Variants in ITPR3 observed in about 807,000 individuals in gnomAD.
ITPR3 encodes the protein inositol 1,4,5-trisphosphate-gated calcium channel ITPR3.
Under a neutral mutation model 293.2 loss-of-function variants are expected in ITPR3, and 173 were observed. The observed-to-expected ratio is 0.59, with a 90% CI of 0.52 to 0.67. The LOEUF is 0.67. Among genes scored for constraint, ITPR3 ranks in the 30% least tolerant of loss-of-function variants. ITPR3 has a pLI of 0.00. For missense variants in ITPR3, 2,796 were observed against 3,592.1 expected, an observed-to-expected ratio of 0.78 and a Z score of 5.66; for synonymous variants, 1,295 against 1,444.4, an observed-to-expected ratio of 0.90 and a Z score of 2.35.
rs768395383 is a variant in ITPR3 at position 33,688,780 on chromosome 6, A to C, written c.6693A>C (p.Thr2231=). 4.1e-5 allele frequency: 66 copies of C among 1,614,018 alleles called. 1 individual carries two copies. The South Asian group carries it at 6.8e-4, about 17-fold the overall frequency. Residue 2231 remains threonine (T), a splice_region_variant and synonymous_variant, in exon 49 of 58, where the codon ACA becomes ACC. Coordinates refer to ENST00000605930, the MANE Select transcript of ITPR3 (RefSeq NM_002224.4). ...FFYPYMEGAS[T]GVLDSPLISL... ...ACCCTTACATGGAGGGCGCGTCCAC[A>C]GGTGAGAACACAGGGCTGGCCGGCA...
chr6:33,679,489 A>T lies in ITPR3; in HGVS notation c.3973-393A>T, dbSNP rs1408300114. 1.3e-5 allele frequency among the ~76,000 whole-genome samples: 2 copies of T among 152,228 alleles called. No individual in the cohort carries two copies. The highest frequency in any genetic ancestry group is 2.4e-5 in the African/African-American group (1 of 41,454). ...TAGTTTTATTAATTTCTATTATTAT[A>T]TTACTGCGAATAATGCAGTCGCTGG... is the stretch of plus-strand genomic sequence containing the variant. On this transcript the variant is annotated intron_variant, in intron 30 of 57. Transcript: ENST00000605930. The surrounding 1 kb of genome is among the most constrained non-coding windows in gnomAD (Gnocchi z 4.2).
chr6:33,694,702 AG>A, intron 56 of ITPR3: 1 of 554,934 alleles, frequency 1.8e-6, no homozygotes, highest in South Asian at 2.3e-5. Context: ...GCCTAACGGA[AG>A]TCAGCCTGTC....
At chr6:33,647,308 G>A (rs955398144) in intron 2 of ITPR3, among the ~76,000 whole-genome samples, 1 of 152,220 alleles carries the variant, frequency 6.6e-6, no homozygotes, top group Non-Finnish European at 1.5e-5. Context: ...TTACAGGTGT[G>A]AGCCACTGTG....
Position 33,686,099 on chromosome 6 carries a change from G to A in ITPR3, c.5714G>A (p.Cys1905Tyr). ...AACAAAACCAACTACAACTTGGTAT[G>A]CGAGACGCTGCAGTTCCTGGACATC... ...QNNKTNYNLV[C>Y]ETLQFLDIMC... Residue 1905 changes from cysteine to tyrosine, a missense_variant, in exon 42 of 58, where the codon TGC becomes TAC. By Grantham distance (194) the Cys-to-Tyr change is radical. Coordinates refer to ENST00000605930, the MANE Select transcript of ITPR3 (RefSeq NM_002224.4). The A allele has an allele frequency of 1.2e-6, 2 of 1,614,212 alleles. No homozygotes were observed. The highest frequency in any genetic ancestry group is 1.7e-6 in the Non-Finnish European group (2 of 1,180,050).
chr6:33,667,293 G>A lies in ITPR3; in HGVS notation c.1713+3G>A. ...AGGAGGACTACCGCAAGAACCAGGT[G>A]CGCCGCTGCCCTGCTGGCCCACTCG... is the stretch of plus-strand genomic sequence containing the variant. On this transcript the variant is annotated splice_donor_region_variant and intron_variant, in intron 15 of 57. Transcript: ENST00000605930. The surrounding 1 kb of genome is among the most constrained non-coding windows in gnomAD (Gnocchi z 4.4). 6.2e-7 allele frequency: 1 copy of A among 1,611,422 alleles called. No homozygotes were observed.
At chr6:33,627,854 G>A (rs1373959977) in intron 1 of ITPR3, among the ~76,000 whole-genome samples, 1 of 152,210 alleles carries the variant, frequency 6.6e-6, no homozygotes, top group African/African-American at 2.4e-5. Context: ...AGGATGTGAT[G>A]GAGAAGGGAT....
chr6:33,655,694 G>A lies in ITPR3; in HGVS notation c.161-72G>A. Reference sequence around the variant, plus strand: ...GGTTGGGAGAGAAGAGCTGCAGGCTGGGGTTTTCTCCAGGGAGGGCCCTGA... The same window carrying A: ...GGTTGGGAGAGAAGAGCTGCAGGCTAGGGTTTTCTCCAGGGAGGGCCCTGA... On this transcript the variant is annotated intron_variant, in intron 2 of 57. Coordinates refer to ENST00000605930, the MANE Select transcript of ITPR3 (RefSeq NM_002224.4). This position sits in a 1 kb window ranked among gnomAD's most constrained non-coding sequence, Gnocchi z 4.9. 6.3e-7 allele frequency: 1 copy of A among 1,595,826 alleles called. No individual in the cohort carries two copies. The highest frequency in any genetic ancestry group is 8.6e-7 in the Non-Finnish European group (1 of 1,167,286).
At chr6:33,677,458 C>G (rs1382692965) in intron 27 of ITPR3, 46 bp from the exon 28 acceptor site, 2 of 1,606,478 alleles carry the variant, frequency 1.2e-6, no homozygotes, top group Non-Finnish European at 1.7e-6. Context: ...CAGAGGGCAG[C>G]CTGAGAAGTA....
intron 21 of ITPR3, among the ~76,000 whole-genome samples, 170 bp from the exon 22 acceptor site, chr6:33,671,859 T>C (rs1328718205): frequency 2.0e-5 from 3 of 152,116 alleles, no homozygotes; most frequent in Non-Finnish European, 2.9e-5. Context: ...TTAAAGCTCA[T>C]GTCCTCCAGG....
chr6:33,621,404 C>A lies in ITPR3; in HGVS notation c.-199C>A. On this transcript the variant is annotated 5_prime_UTR_variant, in exon 1 of 58. Transcript: ENST00000605930. This position sits in a 1 kb window ranked among gnomAD's most constrained non-coding sequence, Gnocchi z 7.7. ...GGCGGGCGCGCCAAGACGTGGGCACCTCCTCACCCGGACCCCGGGCCCCGC... is the reference window on the plus strand; with the variant it reads ...GGCGGGCGCGCCAAGACGTGGGCACATCCTCACCCGGACCCCGGGCCCCGC... The A allele has an allele frequency of 2.8e-6, 1 of 361,000 alleles. No individual in the cohort carries two copies. The highest frequency in any genetic ancestry group is 5.2e-5 in the South Asian group (1 of 19,146). 22.4% of individuals were successfully genotyped at this position (361,000 alleles called of 1,614,324 possible). A position where few individuals can be genotyped will look rare whatever the true frequency, so the allele number is the denominator to read the frequency against.
chr6:33,693,524 T>A, intron 55 of ITPR3, 21 bp from the exon 56 acceptor site: 2 of 1,612,564 alleles, frequency 1.2e-6, no homozygotes, highest in Non-Finnish European at 1.7e-6. Context: ...ATGGTTTCAT[T>A]CCCGCCCTCT....
In ITPR3 at chr6:33,624,656, C is replaced by T. The variant is rs564010941; in HGVS notation, c.89+2965C>T. On this transcript the variant is annotated intron_variant, in intron 1 of 57. Transcript: ENST00000605930. This position sits in a 1 kb window ranked among gnomAD's most constrained non-coding sequence, Gnocchi z 4.7. ...GGCTGTTGGTGCCCATGTCTGTGAACCCATAGGCTGATTTGACTGAATTCC... is the reference window on the plus strand; with the variant it reads ...GGCTGTTGGTGCCCATGTCTGTGAATCCATAGGCTGATTTGACTGAATTCC... Among the ~76,000 whole-genome samples, 2 of 152,348 alleles carry T rather than the reference C, an allele frequency of 1.3e-5. No homozygotes were observed. Among genetic ancestry groups the T allele is most frequent in the African/African-American group, 4.8e-5 (2 of 41,572 alleles).
rs1234139659 is a variant in ITPR3, at chr6:33,679,969, G to A, written c.4060G>A (p.Asp1354Asn). 14 of 1,613,752 alleles carry A rather than the reference G, an allele frequency of 8.7e-6. No homozygotes were observed. Among genetic ancestry groups the A allele is most frequent in the Middle Eastern group, 1.6e-4 (1 of 6,084 alleles). ...GCTGGACATGATGAAGGCCGCCCGC[G>A]ACGGCGTGGAGGACCACAGCCCCCT... The part of the protein sequence containing the change: ...HLLDMMKAAR[D>N]GVEDHSPLMY... Residue 1354 changes from aspartate (D) to asparagine (N), a missense_variant, in exon 31 of 58, where the codon GAC becomes AAC. Physicochemically the swap from Asp to Asn is conservative, Grantham distance 23 (BLOSUM62 1). Transcript: ENST00000605930. This position sits in a 1 kb window ranked among gnomAD's most constrained non-coding sequence, Gnocchi z 4.2.
At chr6:33,656,810 C>T (rs1230876859) in intron 3 of ITPR3, among the ~76,000 whole-genome samples, 1 of 152,232 alleles carries the variant, frequency 6.6e-6, no homozygotes, top group Admixed American at 6.5e-5. Context: ...TCTCTCTGTC[C>T]CCTTCCTCTA....
At position 33,638,351 on chromosome 6, in the gene ITPR3, C is replaced by T. The variant is rs1763872902; in HGVS notation, c.90-2133C>T. Among the ~76,000 whole-genome samples, 1 of 152,214 alleles carries T rather than the reference C, an allele frequency of 6.6e-6. No individual in the cohort carries two copies. The highest frequency in any genetic ancestry group is 2.4e-5 in the African/African-American group (1 of 41,452). On this transcript the variant is annotated intron_variant, in intron 1 of 57. Transcript: ENST00000605930. The surrounding 1 kb of genome is among the most constrained non-coding windows in gnomAD (Gnocchi z 4.3). ...CATTGGCCATTGGTGGTCAACCTAACCTTCAGCGGCTCTCTCCTTCCAGGA... is the reference window on the plus strand; with the variant it reads ...CATTGGCCATTGGTGGTCAACCTAATCTTCAGCGGCTCTCTCCTTCCAGGA...
chr6:33,628,171 A>G (rs917613472), intron 1 of ITPR3, among the ~76,000 whole-genome samples: 2 of 151,892 alleles, frequency 1.3e-5, no homozygotes, highest in African/African-American at 4.8e-5. Flanking sequence ...GGTTTGGATG[A>G]CCTCTGCACA....
At chr6:33,648,503 G>C (rs1764118205) in intron 2 of ITPR3, among the ~76,000 whole-genome samples, 1 of 151,688 alleles carries the variant, frequency 6.6e-6, no homozygotes, top group African/African-American at 2.4e-5. Context: ...GATTCTCTAG[G>C]GTCACCTTTA....
At chr6:33,653,358 T>C (rs1764237053) in intron 2 of ITPR3, among the ~76,000 whole-genome samples, 1 of 150,684 alleles carries the variant, frequency 6.6e-6, no homozygotes, top group Non-Finnish European at 1.5e-5. Flanking sequence ...CAAGTGATCC[T>C]CCTGCCTCGG....
rs1346502671 is a variant in ITPR3 at position 33,688,259 on chromosome 6, C to A, written c.6396C>A (p.Ser2132Arg). 1.2e-6 allele frequency: 2 copies of A among 1,614,078 alleles called. No individual in the cohort carries two copies. Among genetic ancestry groups the A allele is most frequent in the African/African-American group, 2.7e-5 (2 of 74,938 alleles). The change falls in exon 48 of 58, where the codon AGC becomes AGA. Residue 2132 changes from serine (S) to arginine (R), a missense_variant. By Grantham distance (110) the Ser-to-Arg change is moderately radical. Transcript: ENST00000605930. The stretch of plus-strand genomic sequence containing the variant: ...CTCAGATTGTGCGGCAGGACCGCAG[C>A]ATGGAGCAGATCGTGTTCCCAGTGC... ...SQIEIVRQDR[S>R]MEQIVFPVPG...
Sources: gnomAD v4.1 joint callset for allele counts (sites outside exome capture counted in the v4.1 genomes callset) on GRCh38, gnomAD v4.1.1 for gene constraint, Gnocchi (gnomAD v3.1) non-coding constraint, MANE v1.5 for transcripts, NCBI Gene and HGNC (gene_info 2026-07-23, HGNC 2026-07-21) for gene names.